Variants in DOCK4 observed in about 807,000 individuals in gnomAD.
DOCK4 encodes the protein dedicator of cytokinesis 4, also known as dedicator of cytokinesis protein 4.
DOCK4 carries 97 observed loss-of-function variants against 268.1 expected under a neutral mutation model. The observed-to-expected ratio is 0.36, with a 90% CI of 0.31 to 0.43. DOCK4 has a LOEUF of 0.43. DOCK4 is among the 20% of genes least tolerant of loss of function. The pLI, the probability that DOCK4 is intolerant of heterozygous loss-of-function variation, is 1.00. For missense variants in DOCK4, 2,145 were observed against 2,455.7 expected (o/e 0.87, Z 2.67); for synonymous variants, 954 against 887.2 (o/e 1.08, Z -1.34).
intron 9 of DOCK4, 82 bp from the exon 10 acceptor site, chr7:111,944,953 GAAGA>G (rs1562922481): frequency 3.7e-6 from 4 of 1,083,820 alleles, no homozygotes; most frequent in South Asian, 1.3e-5. Flanking sequence ...ACAAATAAAA[GAAGA>G]AAGAGATGGA....
intron 5 of DOCK4, among the ~76,000 whole-genome samples, chr7:111,993,641 A>C (rs989540391): frequency 2.0e-5 from 3 of 152,232 alleles, no homozygotes; most frequent in Non-Finnish European, 4.4e-5. Flanking sequence ...ACTTATAGTA[A>C]GTAAATAAAT....
At chr7:111,815,678 CTCTT>C (rs1378451410) in intron 27 of DOCK4, among the ~76,000 whole-genome samples, 9 of 111,308 alleles carry the variant, frequency 8.1e-5, no homozygotes, top group East Asian at 3.1e-4. Context: ...TCTCTCTGTT[CTCTT>C]TCTTTCTTTC....
chr7:112,169,009 T>C (rs1817844983), intron 1 of DOCK4, among the ~76,000 whole-genome samples: 1 of 152,236 alleles, frequency 6.6e-6, no homozygotes, highest in Admixed American at 6.5e-5. Context: ...AAATCTCATG[T>C]GGAACTGTAA....
intron 12 of DOCK4, among the ~76,000 whole-genome samples, chr7:111,926,782 C>T (rs1298614393): frequency 2.0e-5 from 3 of 148,912 alleles, no homozygotes; most frequent in Non-Finnish European, 4.4e-5. Flanking sequence ...TGCAGTGAGC[C>T]GAGATCATGC....
chr7:112,001,747 T>C lies in DOCK4; in HGVS notation c.122-1213A>G, dbSNP rs145113840. ...GTTCTTGTCAACTGTGGCTAGTTTATGAATTAAACTTTATCACATGTAAAG... is the reference window on the plus strand; with the variant it reads ...GTTCTTGTCAACTGTGGCTAGTTTACGAATTAAACTTTATCACATGTAAAG... On this transcript the variant is annotated intron_variant, in intron 2 of 52. Transcript: ENST00000428084. Among the ~76,000 whole-genome samples the C allele has an allele frequency of 4.3e-3, 660 of 152,324 alleles. 8 individuals carry two copies. Among genetic ancestry groups the C allele is most frequent in the African/African-American group, 0.015 (633 of 41,558 alleles).
Position 112,206,254 on chromosome 7 carries a change from G to A in DOCK4, c.-116C>T, listed in dbSNP as rs565688697. On this transcript the variant is annotated 5_prime_UTR_variant, in exon 1 of 53. Coordinates refer to ENST00000428084, the MANE Select transcript of DOCK4 (RefSeq NM_001363540.2). ...GTGCCGGAGCCCAGCGGCTTCGCGC[G>A]GGCTGCGGGCGCTGGGCAGGATCTG... 1.3e-5 allele frequency: 15 copies of A among 1,198,680 alleles called. No individual in the cohort carries two copies. In the African/African-American group the frequency reaches 2.3e-4, roughly 18 times the overall value. The allele number at this position is 1,198,680 out of a possible 1,614,324, so 74.3% of individuals were successfully genotyped here.
rs373296110 is a variant in DOCK4, at chr7:112,059,657, G to A, written c.38-55526C>T. ...TTGTTTCCTCAAAGAACTCTCTCCA[G>A]TGAATTTAACAGAGATAGTTAACTA... On this transcript the variant is annotated intron_variant, in intron 1 of 52. Coordinates refer to ENST00000428084, the MANE Select transcript of DOCK4 (RefSeq NM_001363540.2). Among the ~76,000 whole-genome samples the A allele has an allele frequency of 1.8e-4, 28 of 152,182 alleles. No homozygotes were observed. In the East Asian group the frequency reaches 1.9e-3, roughly 11 times the overall value.
chr7:111,802,788 A>T (rs190344153), intron 30 of DOCK4, among the ~76,000 whole-genome samples: 13 of 152,186 alleles, frequency 8.5e-5, no homozygotes, highest in East Asian at 1.9e-4. Context: ...GAAAATAGTT[A>T]AAAAAAATCC....
At position 111,931,712 on chromosome 7, in the gene DOCK4, C is replaced by A. The variant is rs112957788; in HGVS notation, c.1066+3828G>T. 4.3e-3 allele frequency among the ~76,000 whole-genome samples: 657 copies of A among 152,146 alleles called. 9 individuals are homozygous for A. The highest frequency in any genetic ancestry group is 0.015 in the African/African-American group (605 of 41,498). ...AAGGAGATTAAATCAGGATCCATTT[C>A]GAGACAATGAAAACAGACAACTTAA... is the stretch of plus-strand genomic sequence containing the variant. On this transcript the variant is annotated intron_variant, in intron 12 of 52. Transcript: ENST00000428084.
chr7:111,784,072 G>T, intron 33 of DOCK4, 25 bp downstream of exon 33: 1 of 1,579,508 alleles, frequency 6.3e-7, no homozygotes, highest in Non-Finnish European at 8.6e-7. Flanking sequence ...CTCACAAGTA[G>T]CACAATTTGC....
chr7:112,162,933 G>C (rs1159823960), intron 1 of DOCK4, among the ~76,000 whole-genome samples: 2 of 152,106 alleles, frequency 1.3e-5, no homozygotes, highest in African/African-American at 2.4e-5. Flanking sequence ...ACACTTCTTT[G>C]TAACAGATTT....
At chr7:111,996,972 G>C (rs967856123) in intron 4 of DOCK4, among the ~76,000 whole-genome samples, 6 of 152,196 alleles carry the variant, frequency 3.9e-5, no homozygotes, top group Non-Finnish European at 7.3e-5. Flanking sequence ...CAGAGTTGAG[G>C]GAGGTCAGGG....
At chr7:111,908,461 A>AGATAATAATAATAATAATAATAAT (rs1554366844) in intron 13 of DOCK4, among the ~76,000 whole-genome samples, 1 of 150,148 alleles carries the variant, frequency 6.7e-6, no homozygotes, top group African/African-American at 2.5e-5. Context: ...AAAATAAATA[A>AGATAATAATAATAATAATAATAAT]AATAATAATA....
In DOCK4 at chr7:112,192,629, T is replaced by C. The variant is rs187090942; in HGVS notation, c.37+13473A>G. Among the ~76,000 whole-genome samples the C allele has an allele frequency of 2.1e-4, 32 of 152,316 alleles. 1 individual carries two copies. The East Asian group carries it at 3.7e-3, about 17-fold the overall frequency. ...ACTTTATGTACTCCCTTACTGTGTA[T>C]TTAAAAACAAAATCAGGGTAACATC... is the stretch of plus-strand genomic sequence containing the variant. On this transcript the variant is annotated intron_variant, in intron 1 of 52. Coordinates refer to ENST00000428084, the MANE Select transcript of DOCK4 (RefSeq NM_001363540.2).
intron 8 of DOCK4, among the ~76,000 whole-genome samples, chr7:111,960,578 T>C (rs1796800284): frequency 6.8e-6 from 1 of 147,056 alleles, no homozygotes; most frequent in Non-Finnish European, 1.5e-5. Flanking sequence ...TCTACTCTCT[T>C]AGCAATGTGC....
intron 1 of DOCK4, among the ~76,000 whole-genome samples, chr7:112,163,109 A>T (rs1817285806): frequency 6.6e-6 from 1 of 152,244 alleles, no homozygotes; most frequent in African/African-American, 2.4e-5. Flanking sequence ...GGAATAAATT[A>T]AGACACGGCA....
At chr7:111,869,209 G>T (rs1323939676) in intron 21 of DOCK4, among the ~76,000 whole-genome samples, 1 of 152,072 alleles carries the variant, frequency 6.6e-6, no homozygotes, top group Admixed American at 6.6e-5. Flanking sequence ...AACATAAATG[G>T]TTCTCCGATG....
intron 6 of DOCK4, 117 bp from the exon 7 acceptor site, chr7:111,984,507 T>G: frequency 1.3e-6 from 1 of 792,824 alleles, no homozygotes; most frequent in East Asian, 2.8e-5. Context: ...CATGCTTCTC[T>G]CACCTTGTAT....
chr7:111,742,205 C>G, intron 44 of DOCK4, 73 bp from the exon 45 acceptor site: 1 of 1,432,042 alleles, frequency 7.0e-7, no homozygotes. Flanking sequence ...ATGGGCCGAG[C>G]ACTTTACTAC....
Sources: gnomAD v4.1 joint callset for allele counts (sites outside exome capture counted in the v4.1 genomes callset) on GRCh38, gnomAD v4.1.1 for gene constraint, MANE v1.5 for transcripts, NCBI Gene and HGNC (gene_info 2026-07-23, HGNC 2026-07-21) for gene names.